Variants in NKD1 observed in about 807,000 individuals in gnomAD.
The protein encoded by NKD1 is protein naked cuticle homolog 1.
NKD1 carries 21 observed loss-of-function variants against 56.0 expected under a neutral mutation model. That is an observed-to-expected ratio of 0.38 (90% CI 0.27 to 0.54). The LOEUF (loss-of-function observed/expected upper bound fraction) is 0.54. NKD1 is among the 20% of genes least tolerant of loss of function. The pLI is 0.82. For missense variants in NKD1, 578 were observed against 642.7 expected, an observed-to-expected ratio of 0.90 and a Z score of 1.09; for synonymous variants, 263 against 265.7, an observed-to-expected ratio of 0.99 and a Z score of 0.10.
At position 50,642,520 on chromosome 16, in the gene NKD1, T is replaced by A. The variant is rs1009580657; in HGVS notation, c.*8739T>A. ...CTGGTTCTACTACTTCCTAGATGTG[T>A]GACCTGGGACAAGTGACTCACCTCT... is the stretch of plus-strand genomic sequence containing the variant. On this transcript the variant is annotated 3_prime_UTR_variant, in exon 10 of 10. Coordinates refer to ENST00000268459, the MANE Select transcript of NKD1 (RefSeq NM_033119.5). The A allele has an allele frequency of 2.6e-5, 4 of 152,332 alleles. No homozygotes were observed. The highest frequency in any genetic ancestry group is 7.2e-5 in the African/African-American group (3 of 41,474). 9.4% of individuals were successfully genotyped at this position (152,332 alleles called of 1,614,324 possible). A position where few individuals can be genotyped will look rare whatever the true frequency, so the allele number is the denominator to read the frequency against.
At position 50,548,516 on chromosome 16, in the gene NKD1, C is replaced by A; in HGVS notation, c.-38C>A. On this transcript the variant is annotated 5_prime_UTR_variant, in exon 1 of 10. Coordinates refer to ENST00000268459, the MANE Select transcript of NKD1 (RefSeq NM_033119.5). ...AGGCGCCAGGCCCGCGGGCCGGGCG[C>A]ATGGCTTAGGGACGCTCCCGGCCGC... 1 of 1,434,886 alleles carries A rather than the reference C, an allele frequency of 7.0e-7. No individual in the cohort carries two copies. Among genetic ancestry groups the A allele is most frequent in the Non-Finnish European group, 9.1e-7 (1 of 1,097,206 alleles). The allele number at this position is 1,434,886 out of a possible 1,614,324, so 88.9% of individuals were successfully genotyped here. A position where few individuals can be genotyped will look rare whatever the true frequency, so the allele number is the denominator to read the frequency against.
At position 50,633,225 on chromosome 16, in the gene NKD1, C is replaced by G. The variant is rs779914235; in HGVS notation, c.857C>G (p.Pro286Arg). 21 of 1,611,102 alleles carry G rather than the reference C, an allele frequency of 1.3e-5. No individual in the cohort carries two copies. The Admixed American group carries it at 2.5e-4, about 19-fold the overall frequency. The change falls in exon 10 of 10, where the codon CCC becomes CGC. Residue 286 changes from proline to arginine, a missense_variant. By Grantham distance (103) the Pro-to-Arg change is moderately radical. Transcript: ENST00000268459. The surrounding 1 kb of genome is among the most constrained non-coding windows in gnomAD (Gnocchi z 4.9). ...SPSVAQKSEL[P>R]PRTSNPTRSR... ...TCCGTGGCCCAGAAGTCAGAACTGC[C>G]CCCCCGCACCTCCAATCCCACTCGA...
Position 50,597,583 on chromosome 16 carries a change from A to G in NKD1, c.193-10711A>G, listed in dbSNP as rs958794057. On this transcript the variant is annotated intron_variant, in intron 3 of 9. Transcript: ENST00000268459. ...TTTCTGAAGTGGAGCGTGGCCTTCC[A>G]GAAACATTCTGGAAAACGCACCTTT... 3.3e-5 allele frequency among the ~76,000 whole-genome samples: 5 copies of G among 152,348 alleles called. 1 individual carries two copies. The Middle Eastern group carries it at 0.014, about 415-fold the overall frequency.
chr16:50,548,775 CG>C, intron 2 of NKD1, 26 bp downstream of exon 2: 1 of 1,383,620 alleles, frequency 7.2e-7, no homozygotes, highest in Non-Finnish European at 9.2e-7. Context: ...GCGCAGACCT[CG>C]GGGATGGACG....
intron 8 of NKD1, among the ~76,000 whole-genome samples, 190 bp downstream of exon 8, chr16:50,631,100 A>C (rs1962334974): frequency 6.6e-6 from 1 of 152,242 alleles, no homozygotes; most frequent in Admixed American, 6.5e-5. Flanking sequence ...CTTTTATGGA[A>C]CACATCTTGG....
rs180695992 is a variant in NKD1, at chr16:50,571,003, C to T, written c.192+21448C>T. 7.8e-4 allele frequency: 770 copies of T among 985,290 alleles called. 5 individuals carry two copies. The African/African-American group carries it at 0.012, about 16-fold the overall frequency. The allele number at this position is 985,290 out of a possible 1,614,324, so 61.0% of individuals were successfully genotyped here. On this transcript the variant is annotated intron_variant, in intron 3 of 9. Coordinates refer to ENST00000268459, the MANE Select transcript of NKD1 (RefSeq NM_033119.5). ...CTTCACTGGGCTCATGGCGGACCCT[C>T]CTGGGTGTGCACCTGTCCCGCTGTC...
chr16:50,609,681 T>A (rs1472774944), intron 4 of NKD1, among the ~76,000 whole-genome samples: 1 of 152,100 alleles, frequency 6.6e-6, no homozygotes, highest in Non-Finnish European at 1.5e-5. Context: ...TTTAACAAGC[T>A]CCCCAGGTGG....
intron 3 of NKD1, among the ~76,000 whole-genome samples, chr16:50,587,461 A>G (rs1714956105): frequency 6.6e-6 from 1 of 152,210 alleles, no homozygotes; most frequent in Admixed American, 6.5e-5. Context: ...CCAACATTGT[A>G]TTACTTTGGG....
rs1256015730 is a variant in NKD1, at chr16:50,639,699, C to T, written c.*5918C>T. The T allele has an allele frequency of 6.6e-6, 1 of 152,190 alleles. No homozygotes were observed. Among genetic ancestry groups the T allele is most frequent in the Non-Finnish European group, 1.5e-5 (1 of 68,056 alleles). The allele number at this position is 152,190 out of a possible 1,614,324, so 9.4% of individuals were successfully genotyped here. On this transcript the variant is annotated 3_prime_UTR_variant, in exon 10 of 10. Coordinates refer to ENST00000268459, the MANE Select transcript of NKD1 (RefSeq NM_033119.5). The stretch of plus-strand genomic sequence containing the variant: ...CCTGTCATCTGGCCTCTGGATAACC[C>T]ACCTCTCCTCCCTCATCCTAAAATT...
At chr16:50,562,986 ACCCCCCC>A (rs1307651263) in intron 3 of NKD1, among the ~76,000 whole-genome samples, 1 of 60,410 alleles carries the variant, frequency 1.7e-5, no homozygotes, top group African/African-American at 9.4e-5. Context: ...TCCCACCACC[ACCCCCCC>A]CCCCCGCCGT....
rs957552934 is a variant in NKD1 at position 50,649,122 on chromosome 16, C to G, written c.*15341C>G. ...TCCAGAATCCCTGGGCCACTTTTAG[C>G]AGTCAGATTCGTCTAATCCTCCTTT... is the stretch of plus-strand genomic sequence containing the variant. On this transcript the variant is annotated 3_prime_UTR_variant, in exon 10 of 10. Transcript: ENST00000268459. The G allele has an allele frequency of 6.6e-6, 1 of 152,224 alleles. No homozygotes were observed. Among genetic ancestry groups the G allele is most frequent in the Non-Finnish European group, 1.5e-5 (1 of 68,046 alleles). The allele number at this position is 152,224 out of a possible 1,614,324, so 9.4% of individuals were successfully genotyped here. A position where few individuals can be genotyped will look rare whatever the true frequency, so the allele number is the denominator to read the frequency against.
intron 3 of NKD1, among the ~76,000 whole-genome samples, chr16:50,583,074 G>C (rs1018751865): frequency 5.9e-5 from 9 of 152,188 alleles, no homozygotes; most frequent in African/African-American, 1.9e-4. Context: ...GTTAGGCAGA[G>C]GGGGCCGCGT....
chr16:50,618,087 T>A (rs910097888), intron 4 of NKD1, among the ~76,000 whole-genome samples: 3 of 152,160 alleles, frequency 2.0e-5, no homozygotes, highest in African/African-American at 7.2e-5. Flanking sequence ...AAGTGTAGTT[T>A]GCCACCTCCT....
At chr16:50,575,101 T>A in intron 3 of NKD1, 1 of 985,272 alleles carries the variant, frequency 1.0e-6, no homozygotes, top group Non-Finnish European at 1.2e-6. Flanking sequence ...AGGTGTTTTT[T>A]TTTTTTTTCC....
chr16:50,606,939 A>G (rs563508771), intron 3 of NKD1: 1 of 456,648 alleles, frequency 2.2e-6, no homozygotes, highest in Non-Finnish European at 4.4e-6. Context: ...CTTTCCTGTC[A>G]TCGTCTCCCA....
At chr16:50,548,817 C>T in intron 2 of NKD1, 68 bp downstream of exon 2, 1 of 1,330,070 alleles carries the variant, frequency 7.5e-7, no homozygotes, top group Non-Finnish European at 9.6e-7. Context: ...GCAGAACGGC[C>T]CAGCCCGCCA....
intron 3 of NKD1, among the ~76,000 whole-genome samples, chr16:50,583,008 GA>G (rs1022693148): frequency 2.5e-4 from 38 of 151,232 alleles, no homozygotes; most frequent in African/African-American, 7.3e-4. Flanking sequence ...TCCATCCCGG[GA>G]AAAAAAAATG....
intron 6 of NKD1, among the ~76,000 whole-genome samples, chr16:50,626,561 A>G (rs1399153842): frequency 6.6e-6 from 1 of 152,152 alleles, no homozygotes; most frequent in African/African-American, 2.4e-5. Flanking sequence ...GAACTGAAGG[A>G]GGTGGCCGTG....
At chr16:50,612,004 A>G (rs1376678779) in intron 4 of NKD1, among the ~76,000 whole-genome samples, 4 of 151,942 alleles carry the variant, frequency 2.6e-5, no homozygotes, top group African/African-American at 9.7e-5. Context: ...ATCAAAGAGG[A>G]CCTCTTTGCA....
Sources: gnomAD v4.1 joint callset for allele counts (sites outside exome capture counted in the v4.1 genomes callset) on GRCh38, gnomAD v4.1.1 for gene constraint, Gnocchi (gnomAD v3.1) non-coding constraint, MANE v1.5 for transcripts, NCBI Gene and HGNC (gene_info 2026-07-23, HGNC 2026-07-21) for gene names.